DECR1: variants seen among roughly 807,000 people sequenced by gnomAD.
DECR1 encodes 2,4-dienoyl-CoA reductase [(3E)-enoyl-CoA-producing], mitochondrial.
DECR1 carries 44 observed loss-of-function variants against 38.8 expected under a neutral mutation model. The ratio of observed to expected loss-of-function variants is 1.13; its 90% CI spans 0.89 to 1.46. The LOEUF (loss-of-function observed/expected upper bound fraction) is 1.46, where lower values mean the gene tolerates loss of function less well. DECR1 is among the 40% of genes most tolerant of loss of function. The pLI, the probability that DECR1 is intolerant of heterozygous loss-of-function variation, is 0.00. For missense variants in DECR1, 428 were observed against 405.5 expected (o/e 1.06, Z -0.48); for synonymous variants, 148 against 135.2 (o/e 1.09, Z -0.66).
chr8:90,046,233 A>G (rs1813897564), intron 8 of DECR1, among the ~76,000 whole-genome samples: 1 of 152,238 alleles, frequency 6.6e-6, no homozygotes, highest in African/African-American at 2.4e-5. Context: ...TGGTAATAAC[A>G]GACTTCTCTG....
chr8:90,006,328 G>A (rs940847727), intron 1 of DECR1: 3 of 703,892 alleles, frequency 4.3e-6, no homozygotes, highest in African/African-American at 1.7e-5. Context: ...TCAAAGCTGA[G>A]ACCTGAAAGA....
At chr8:90,018,422 A>G (rs1813063241) in intron 2 of DECR1, 1 of 153,572 alleles carries the variant, frequency 6.5e-6, no homozygotes, top group Admixed American at 6.5e-5. Flanking sequence ...AACAACAGTT[A>G]CTGTGTCATT....
rs1225910010 is a variant in DECR1 at position 90,047,643 on chromosome 8, A to C, written c.885+2648A>C. Among the ~76,000 whole-genome samples the C allele has an allele frequency of 3.3e-5, 5 of 152,210 alleles. No homozygotes were observed. In the East Asian group the frequency reaches 9.6e-4, roughly 29 times the overall value. ...AGAACAACAAGACAGAAAGTTAACA[A>C]GGATATCCAGGAATTGAACTCAGCT... On this transcript the variant is annotated intron_variant, in intron 8 of 9. Coordinates refer to ENST00000220764, the MANE Select transcript of DECR1 (RefSeq NM_001359.2).
intron 6 of DECR1, among the ~76,000 whole-genome samples, chr8:90,038,136 CGTT>C: frequency 6.6e-6 from 1 of 152,256 alleles, no homozygotes; most frequent in African/African-American, 2.4e-5. Flanking sequence ...GAACAGTCCT[CGTT>C]GTTAGCTGAG....
chr8:90,008,978 A>C (rs1161439237), intron 1 of DECR1, among the ~76,000 whole-genome samples: 1 of 152,128 alleles, frequency 6.6e-6, no homozygotes, highest in African/African-American at 2.4e-5. Flanking sequence ...CCCTGCTTCC[A>C]ACCTTGCCCT....
chr8:90,052,076 T>G lies in DECR1; in HGVS notation c.*179T>G. ...ATTCAAAGATAAATAAAATGAAATA[T>G]AGTCCTTCAAAACATTAAAAAAAAA... On this transcript the variant is annotated 3_prime_UTR_variant, in exon 10 of 10. Coordinates refer to ENST00000220764, the MANE Select transcript of DECR1 (RefSeq NM_001359.2). 1 of 557,616 alleles carries G rather than the reference T, an allele frequency of 1.8e-6. No homozygotes were observed. Among genetic ancestry groups the G allele is most frequent in the Non-Finnish European group, 3.0e-6 (1 of 328,126 alleles). The allele number at this position is 557,616 out of a possible 1,614,324, so 34.5% of individuals were successfully genotyped here.
chr8:90,016,990 T>C (rs999170242), intron 1 of DECR1, 134 bp from the exon 2 acceptor site: 3 of 641,960 alleles, frequency 4.7e-6, no homozygotes, highest in Non-Finnish European at 8.0e-6. Context: ...TTAAGTACAA[T>C]ACCAATATGT....
chr8:90,028,762 TTTTC>T (rs904773277), intron 5 of DECR1, among the ~76,000 whole-genome samples: 1 of 152,006 alleles, frequency 6.6e-6, no homozygotes, highest in Non-Finnish European at 1.5e-5. Context: ...TTCCTTCTTT[TTTTC>T]TTTCTTTCTT....
At chr8:90,018,819 T>A (rs778240464) in intron 2 of DECR1, 90 bp from the exon 3 acceptor site, 5 of 1,006,676 alleles carry the variant, frequency 5.0e-6, no homozygotes, top group Non-Finnish European at 7.7e-6. Flanking sequence ...TTCTCAGAAA[T>A]GCTTTTCTTT....
intron 6 of DECR1, among the ~76,000 whole-genome samples, chr8:90,042,147 A>C (rs1813778593): frequency 6.6e-6 from 1 of 152,162 alleles, no homozygotes; most frequent in Admixed American, 6.6e-5. Context: ...TGGTTCAACA[A>C]TTATATTAAA....
At chr8:90,008,295 C>G (rs1812793317) in intron 1 of DECR1, among the ~76,000 whole-genome samples, 1 of 152,232 alleles carries the variant, frequency 6.6e-6, no homozygotes, top group Admixed American at 6.5e-5. Context: ...CTTGCCAGGT[C>G]TGGCTGGTTG....
intron 5 of DECR1, among the ~76,000 whole-genome samples, chr8:90,036,435 C>A (rs1813617978): frequency 6.6e-6 from 1 of 152,122 alleles, no homozygotes; most frequent in Admixed American, 6.6e-5. Context: ...ATGTTTACAG[C>A]AGAAGGGTAA....
Position 90,052,100 on chromosome 8 carries a change from A to T in DECR1, c.*203A>T. 1 of 522,128 alleles carries T rather than the reference A, an allele frequency of 1.9e-6. No homozygotes were observed. The highest frequency in any genetic ancestry group is 2.8e-5 in the South Asian group (1 of 35,174). 32.3% of individuals were successfully genotyped at this position (522,128 alleles called of 1,614,324 possible). On this transcript the variant is annotated 3_prime_UTR_variant, in exon 10 of 10. Coordinates refer to ENST00000220764, the MANE Select transcript of DECR1 (RefSeq NM_001359.2). ...ATAGTCCTTCAAAACATTAAAAAAA[A>T]AAAAAGGAGGCATGGGGAGAGTAGG...
chr8:90,050,522 C>A (rs1586170986), intron 8 of DECR1, among the ~76,000 whole-genome samples: 2 of 152,264 alleles, frequency 1.3e-5, no homozygotes, highest in African/African-American at 4.8e-5. Context: ...ATTCAGGAAA[C>A]AACAGGTGCT....
chr8:90,017,208 C>G lies in DECR1; in HGVS notation c.154C>G (p.Leu52Val). ...KFFSPLQKAM[L>V]PPNSFQGKVA... is the part of the protein sequence containing the mutation. ...CTTTTCACCTCTTCAAAAAGCGATG[C>G]TACCACCTAATAGTTTTCAAGGAAA... Residue 52 changes from leucine to valine, a missense_variant, in exon 2 of 10, where the codon CTA becomes GTA. Physicochemically the swap from Leu to Val is conservative, Grantham distance 32 (BLOSUM62 1). Transcript: ENST00000220764. 1 of 1,614,086 alleles carries G rather than the reference C, an allele frequency of 6.2e-7. No individual in the cohort carries two copies. Among genetic ancestry groups the G allele is most frequent in the Non-Finnish European group, 8.5e-7 (1 of 1,179,910 alleles).
chr8:90,038,137 G>A (rs948498053), intron 6 of DECR1, among the ~76,000 whole-genome samples: 3 of 152,102 alleles, frequency 2.0e-5, no homozygotes, highest in South Asian at 2.1e-4. Flanking sequence ...AACAGTCCTC[G>A]TTGTTAGCTG....
intron 5 of DECR1, among the ~76,000 whole-genome samples, chr8:90,028,233 A>C (rs1016821223): frequency 6.6e-6 from 1 of 152,132 alleles, no homozygotes; most frequent in Non-Finnish European, 1.5e-5. Context: ...ATATTATATA[A>C]GTGTTCAACA....
At chr8:90,043,668 A>G (rs1813818964) in intron 7 of DECR1, among the ~76,000 whole-genome samples, 1 of 152,200 alleles carries the variant, frequency 6.6e-6, no homozygotes, top group African/African-American at 2.4e-5. Flanking sequence ...ATATTAGTTT[A>G]TTTAGCAGTT....
chr8:90,017,699 A>G (rs114503569), intron 2 of DECR1, among the ~76,000 whole-genome samples: 267 of 152,290 alleles, frequency 1.8e-3, no homozygotes, highest in African/African-American at 6.1e-3. Context: ...TGAGGCAGGA[A>G]GATCACTTGA....
Sources: gnomAD v4.1 joint callset for allele counts (sites outside exome capture counted in the v4.1 genomes callset) on GRCh38, gnomAD v4.1.1 for gene constraint, MANE v1.5 for transcripts, NCBI Gene and HGNC (gene_info 2026-07-23, HGNC 2026-07-21) for gene names.